The following AGAP1 variants were observed in gnomAD, a reference collection of about 807,000 sequenced individuals.
AGAP1 encodes ArfGAP with GTPase domain, ankyrin repeat and PH domain 1.
In AGAP1, 29 loss-of-function variants were observed where a neutral mutation model predicts 105.3. The ratio of observed to expected loss-of-function variants is 0.28; its 90% CI spans 0.21 to 0.38. The LOEUF (loss-of-function observed/expected upper bound fraction) is 0.38. Ranked by LOEUF, AGAP1 falls within the 10% of genes least tolerant of loss-of-function variation. The pLI, the probability that AGAP1 is intolerant of heterozygous loss-of-function variation, is 1.00. For synonymous variants in AGAP1, 509 were observed against 485.9 expected, an observed-to-expected ratio of 1.05 and a Z score of -0.63; for missense variants, 998 against 1,165.1, an observed-to-expected ratio of 0.86 and a Z score of 2.09.
In AGAP1 at chr2:236,104,625, T is replaced by A. The variant is rs1481958135; in HGVS notation, c.2115-15567T>A. 6.6e-6 allele frequency among the ~76,000 whole-genome samples: 1 copy of A among 152,038 alleles called. No individual in the cohort carries two copies. Among genetic ancestry groups the A allele is most frequent in the Non-Finnish European group, 1.5e-5 (1 of 68,018 alleles). ...GCGTGCACAGGCCAGGCGCGGTGGC[T>A]CATGCCTGTAATGCCAGCACTTTGG... On this transcript the variant is annotated intron_variant, in intron 16 of 17. Transcript: ENST00000304032. The surrounding 1 kb of genome is among the most constrained non-coding windows in gnomAD (Gnocchi z 4.7).
At chr2:235,708,248 T>G (rs193066082) in intron 1 of AGAP1, among the ~76,000 whole-genome samples, 1 of 152,356 alleles carries the variant, frequency 6.6e-6, no homozygotes, top group Admixed American at 6.5e-5. Context: ...GCTATTTTTC[T>G]ATCAGTGGGA....
rs191514204 is a variant in AGAP1, at chr2:236,004,174, C to G, written c.1646-32387C>G. 1.6e-3 allele frequency among the ~76,000 whole-genome samples: 246 copies of G among 152,308 alleles called. 1 individual carries two copies. Among genetic ancestry groups the G allele is most frequent in the African/African-American group, 5.8e-3 (239 of 41,558 alleles). ...GAAAGATGCTCATTTTGTCTCCTGACTGTGGCAGTTGGGGGTCTTGAGACC... is the reference window on the plus strand; with the variant it reads ...GAAAGATGCTCATTTTGTCTCCTGAGTGTGGCAGTTGGGGGTCTTGAGACC... On this transcript the variant is annotated intron_variant, in intron 13 of 17. Coordinates refer to ENST00000304032, the MANE Select transcript of AGAP1 (RefSeq NM_001037131.3).
chr2:235,750,269 C>T lies in AGAP1; in HGVS notation c.539-85C>T. ...AATTACATTTCTGCTGAGTAAGGTA[C>T]TGGTTTTCCGTGTTGTGGGGAGTGT... On this transcript the variant is annotated intron_variant, in intron 5 of 17. Coordinates refer to ENST00000304032, the MANE Select transcript of AGAP1 (RefSeq NM_001037131.3). The surrounding 1 kb of genome is among the most constrained non-coding windows in gnomAD (Gnocchi z 5.3). The T allele has an allele frequency of 1.3e-6, 2 of 1,571,682 alleles. No individual in the cohort carries two copies. The highest frequency in any genetic ancestry group is 2.3e-5 in the South Asian group (2 of 88,558).
chr2:235,938,369 G>A (rs1052015634), intron 12 of AGAP1, among the ~76,000 whole-genome samples: 4 of 152,158 alleles, frequency 2.6e-5, no homozygotes, highest in South Asian at 2.1e-4. Context: ...CTGCCCACCC[G>A]ACCGCCTCCA....
intron 1 of AGAP1, among the ~76,000 whole-genome samples, chr2:235,604,445 G>A (rs759044780): frequency 6.7e-6 from 1 of 149,226 alleles, no homozygotes; most frequent in Non-Finnish European, 1.5e-5. Context: ...TTGTGCCAGT[G>A]CACTTCAGCC....
At chr2:235,968,786 A>G (rs2125345583) in intron 13 of AGAP1, among the ~76,000 whole-genome samples, 163 bp downstream of exon 13, 1 of 152,216 alleles carries the variant, frequency 6.6e-6, no homozygotes, top group African/African-American at 2.4e-5. Context: ...GGCCCTTGGG[A>G]CCTTTTCATC....
At chr2:235,941,497 G>A (rs2053255856) in intron 12 of AGAP1, among the ~76,000 whole-genome samples, 1 of 152,180 alleles carries the variant, frequency 6.6e-6, no homozygotes, top group Non-Finnish European at 1.5e-5. Context: ...AAATTGAAAT[G>A]TGCTTTGTCA....
At chr2:235,592,623 G>T (rs958692406) in intron 1 of AGAP1, among the ~76,000 whole-genome samples, 7 of 152,130 alleles carry the variant, frequency 4.6e-5, no homozygotes, top group Non-Finnish European at 1.0e-4. Context: ...TCACGGGAGG[G>T]GTGTTGAACA....
rs1465586849 is a variant in AGAP1, at chr2:235,865,244, TC to T, written c.1051-18099del. Among the ~76,000 whole-genome samples, 1 of 152,186 alleles carries T rather than the reference TC, an allele frequency of 6.6e-6. No homozygotes were observed. On this transcript the variant is annotated intron_variant, in intron 9 of 17. Transcript: ENST00000304032. This position sits in a 1 kb window ranked among gnomAD's most constrained non-coding sequence, Gnocchi z 6.2. ...TGTGGGTGATTAGCTCCTGGCCGAATCCAGTCCCGGCCGGCGCTTTGAAGCC... is the reference window on the plus strand; with the variant it reads ...TGTGGGTGATTAGCTCCTGGCCGAATCAGTCCCGGCCGGCGCTTTGAAGCC...
chr2:236,040,465 G>T lies in AGAP1; in HGVS notation c.1801-286G>T. ...TTCTCCAGGTTACCATGGTCCATGC[G>T]TATTCACAGATGATCCAGAACTCTC... On this transcript the variant is annotated intron_variant, in intron 14 of 17. Transcript: ENST00000304032. The surrounding 1 kb of genome is among the most constrained non-coding windows in gnomAD (Gnocchi z 5.6). 1 of 499,292 alleles carries T rather than the reference G, an allele frequency of 2.0e-6. No homozygotes were observed. The highest frequency in any genetic ancestry group is 3.6e-6 in the Non-Finnish European group (1 of 277,728). 30.9% of individuals were successfully genotyped at this position (499,292 alleles called of 1,614,324 possible).
intron 16 of AGAP1, among the ~76,000 whole-genome samples, chr2:236,057,360 T>A (rs1257182990): frequency 1.3e-5 from 2 of 152,152 alleles, no homozygotes; most frequent in East Asian, 3.9e-4. Flanking sequence ...TTGCCTGCCT[T>A]GGCCCCCCAA....
intron 1 of AGAP1, among the ~76,000 whole-genome samples, chr2:235,661,635 A>C (rs1947958270): frequency 6.6e-6 from 1 of 152,080 alleles, no homozygotes; most frequent in South Asian, 2.1e-4. Flanking sequence ...GCTAGCCTGA[A>C]TCTCCGGGAG....
rs1953756656 is a variant in AGAP1, at chr2:235,754,606, A to G, written c.673+4118A>G. Among the ~76,000 whole-genome samples, 1 of 152,114 alleles carries G rather than the reference A, an allele frequency of 6.6e-6. No homozygotes were observed. The highest frequency in any genetic ancestry group is 1.5e-5 in the Non-Finnish European group (1 of 68,024). ...AAATGAATGGAGAAACCTTGCATTC[A>G]CTTTTTGTTCGCTTGTGTGGTCCTG... is the stretch of plus-strand genomic sequence containing the variant. On this transcript the variant is annotated intron_variant, in intron 6 of 17. Coordinates refer to ENST00000304032, the MANE Select transcript of AGAP1 (RefSeq NM_001037131.3). The surrounding 1 kb of genome is among the most constrained non-coding windows in gnomAD (Gnocchi z 4.6).
Position 235,799,290 on chromosome 2 carries a change from G to A in AGAP1, c.802-77G>A. The A allele has an allele frequency of 6.5e-7, 1 of 1,535,420 alleles. No homozygotes were observed. On this transcript the variant is annotated intron_variant, in intron 7 of 17. Transcript: ENST00000304032. This position sits in a 1 kb window ranked among gnomAD's most constrained non-coding sequence, Gnocchi z 5.0. The stretch of plus-strand genomic sequence containing the variant: ...CCATGGGGCTCATGCTCACTTGTTG[G>A]TTATGACCTTGCCTAAGTGGAGGTC...
intron 14 of AGAP1, among the ~76,000 whole-genome samples, chr2:236,039,146 C>G (rs757280613): frequency 2.0e-5 from 3 of 152,134 alleles, no homozygotes; most frequent in African/African-American, 4.8e-5. Flanking sequence ...AAATAAGCCT[C>G]AAAAACACTA....
At chr2:235,813,611 A>G (rs376572028) in intron 9 of AGAP1, among the ~76,000 whole-genome samples, 3 of 152,342 alleles carry the variant, frequency 2.0e-5, no homozygotes, top group East Asian at 3.9e-4. Flanking sequence ...ATGGGCTCCG[A>G]TCCCACAGCA....
chr2:235,851,271 T>C (rs2048438125), intron 9 of AGAP1, among the ~76,000 whole-genome samples: 2 of 152,190 alleles, frequency 1.3e-5, no homozygotes, highest in African/African-American at 4.8e-5. Context: ...GCGCTCCTGC[T>C]GCTCGGTCGG....
intron 9 of AGAP1, among the ~76,000 whole-genome samples, chr2:235,831,330 C>T (rs1441431311): frequency 6.6e-6 from 1 of 152,196 alleles, no homozygotes; most frequent in East Asian, 1.9e-4. Context: ...GCACTGTCAC[C>T]CTCAGTCCAT....
chr2:235,760,786 A>T (rs931328982), intron 6 of AGAP1, among the ~76,000 whole-genome samples: 2 of 152,092 alleles, frequency 1.3e-5, no homozygotes, highest in Non-Finnish European at 2.9e-5. Flanking sequence ...GAGGGTCTCG[A>T]TGTATTGCCA....
Sources: allele counts gnomAD v4.1 joint callset (sites outside exome capture counted in the v4.1 genomes callset), GRCh38; gene constraint gnomAD v4.1.1; non-coding constraint Gnocchi (gnomAD v3.1); transcripts MANE v1.5; gene names NCBI Gene and HGNC (gene_info 2026-07-23, HGNC 2026-07-21).